PFKFB3: variants seen among roughly 807,000 people sequenced by gnomAD.
PFKFB3 encodes 6-phosphofructo-2-kinase/fructose-2,6-bisphosphatase 3.
Under a neutral mutation model 68.0 loss-of-function variants are expected in PFKFB3, and 33 were observed. The observed-to-expected ratio is 0.49, with a 90% CI of 0.37 to 0.65. The LOEUF is 0.65. Among genes scored for constraint, PFKFB3 ranks in the 30% least tolerant of loss-of-function variants. The pLI, the probability that PFKFB3 is intolerant of heterozygous loss-of-function variation, is 0.00. For synonymous variants in PFKFB3, 315 were observed against 288.2 expected, an observed-to-expected ratio of 1.09 and a Z score of -0.94; for missense variants, 586 against 712.2, an observed-to-expected ratio of 0.82 and a Z score of 2.02.
the PFKFB3 span, among the ~76,000 whole-genome samples, chr10:6,273,889 C>G: frequency 0.96 from 145,584 of 152,244 alleles, 69,876 homozygotes; most frequent in Non-Finnish European, 1. Flanking sequence ...TGGACTCCCA[C>G]CTTCCAGAAT....
intron 1 of PFKFB3, among the ~76,000 whole-genome samples, chr10:6,207,873 C>CT (rs1015250785): frequency 1.3e-5 from 2 of 152,256 alleles, no homozygotes; most frequent in African/African-American, 4.8e-5. Context: ...CAAGGTCTAG[C>CT]TTTCCTTTCT....
At chr10:6,288,764 T>C in the PFKFB3 span, among the ~76,000 whole-genome samples, 1 of 152,188 alleles carries the variant, frequency 6.6e-6, no homozygotes, top group Non-Finnish European at 1.5e-5. Context: ...TTCTAGATCC[T>C]TGCAGAATCG....
chr10:6,219,592 T>C lies in PFKFB3; in HGVS notation c.522T>C (p.Asp174=). 2.5e-6 allele frequency: 4 copies of C among 1,613,998 alleles called. No homozygotes were observed. The highest frequency in any genetic ancestry group is 3.4e-6 in the Non-Finnish European group (4 of 1,179,922). ...NIMEVKISSP[D]YKDCNSAEAM... is the part of the protein sequence containing the mutation. ...AGGAAGTTAAAATCTCCAGCCCGGA[T>C]TACAAAGACTGCAACTCGGCAGAAG... is the stretch of plus-strand genomic sequence containing the variant. Residue 174 remains aspartate, a synonymous_variant, in exon 7 of 15, where the codon GAT becomes GAC. Transcript: ENST00000379775.
the PFKFB3 span, chr10:6,293,668 A>T: frequency 3.7e-6 from 1 of 273,704 alleles, no homozygotes; most frequent in Non-Finnish European, 7.7e-6. Context: ...TTAAATGATA[A>T]AACCAACATG....
At chr10:6,317,182 G>A in the PFKFB3 span, among the ~76,000 whole-genome samples, 4 of 152,256 alleles carry the variant, frequency 2.6e-5, no homozygotes, top group African/African-American at 4.8e-5. Flanking sequence ...CATGGGGGAC[G>A]TGCTCTTGAT....
At chr10:6,163,054 C>T (rs574675991) in intron 1 of PFKFB3, among the ~76,000 whole-genome samples, 1 of 152,012 alleles carries the variant, frequency 6.6e-6, no homozygotes, top group African/African-American at 2.4e-5. Context: ...TTGTATCTTT[C>T]ATTTGCTTTC....
chr10:6,178,270 A>G (rs1842591587), intron 1 of PFKFB3, among the ~76,000 whole-genome samples: 1 of 151,696 alleles, frequency 6.6e-6, no homozygotes, highest in African/African-American at 2.4e-5. Context: ...TTCCTCCTCC[A>G]CTCACCCACC....
the PFKFB3 span, among the ~76,000 whole-genome samples, chr10:6,280,864 T>C: frequency 6.6e-6 from 1 of 151,814 alleles, no homozygotes; most frequent in African/African-American, 2.4e-5. Context: ...ATAAGCAGGT[T>C]CTTTAGTGAT....
upstream of PFKFB3, among the ~76,000 whole-genome samples, chr10:6,199,156 A>G (rs1022627419): frequency 2.6e-5 from 4 of 152,200 alleles, 1 homozygote; most frequent in Admixed American, 2.6e-4. Flanking sequence ...TCAAGAGCAA[A>G]TAGTGACACT....
intron 11 of PFKFB3, 91 bp downstream of exon 11, chr10:6,223,075 T>C: frequency 7.4e-7 from 1 of 1,360,242 alleles, no homozygotes; most frequent in Non-Finnish European, 1.0e-6. Context: ...TGGCCTGCCC[T>C]GTGTTGGCTG....
rs1842514099 is a variant in PFKFB3, at chr10:6,177,386, T to TTCTTTCTTTCTTTCTTTC, written c.16+32375_16+32392dup. Among the ~76,000 whole-genome samples, 7 of 113,304 alleles carry TTCTTTCTTTCTTTCTTTC rather than the reference T, an allele frequency of 6.2e-5. No individual in the cohort carries two copies. The South Asian group carries it at 2.4e-3, about 40-fold the overall frequency. The allele number at this position is 113,304 out of a possible 152,430, so 74.3% of individuals were successfully genotyped here. ...TTTCTTTCTTTCTTTCTTTCTTTCT[T>TTCTTTCTTTCTTTCTTTC]TCTTTCTTTCTTTCTTTCTTTCTTC... is the stretch of plus-strand genomic sequence containing the variant. On this transcript the variant is annotated intron_variant, in intron 1 of 14. Coordinates refer to the PFKFB3 transcript ENST00000379789.
At chr10:6,291,877 A>C in the PFKFB3 span, among the ~76,000 whole-genome samples, 1 of 151,984 alleles carries the variant, frequency 6.6e-6, no homozygotes, top group Non-Finnish European at 1.5e-5. Context: ...TTAAGATTTC[A>C]GAACAATCAT....
At chr10:6,204,558 A>T (rs1843564996) in intron 1 of PFKFB3, among the ~76,000 whole-genome samples, 1 of 152,228 alleles carries the variant, frequency 6.6e-6, no homozygotes. Flanking sequence ...ACGTCAGCAG[A>T]TCCACCCTGG....
intron 6 of PFKFB3, among the ~76,000 whole-genome samples, chr10:6,218,553 C>T (rs1033850129): frequency 8.6e-5 from 13 of 152,002 alleles, no homozygotes; most frequent in Admixed American, 2.6e-4. Flanking sequence ...CTCAGCCTCC[C>T]GAATAGCTGG....
chr10:6,185,338 A>G lies in PFKFB3; in HGVS notation c.17-28285A>G, dbSNP rs1000421689. ...TGGTTCCACTCATCCGCTTACTCACAGTGGCAGGAGGGTTAGCCACTAAGC... is the reference window on the plus strand; with the variant it reads ...TGGTTCCACTCATCCGCTTACTCACGGTGGCAGGAGGGTTAGCCACTAAGC... On this transcript the variant is annotated intron_variant, in intron 1 of 14. Coordinates refer to the PFKFB3 transcript ENST00000379789. Among the ~76,000 whole-genome samples the G allele has an allele frequency of 2.0e-5, 3 of 152,240 alleles. 1 individual carries two copies. Among genetic ancestry groups the G allele is most frequent in the Non-Finnish European group, 4.4e-5 (3 of 68,044 alleles).
rs749822531 is a variant in PFKFB3 at position 6,203,372 on chromosome 10, G to A, written c.76+36G>A. ...CTGCGCGGAGCCGGGTTGCAGGGCG[G>A]GCTGCGCCGGGCCGGGCCATTGTGT... On this transcript the variant is annotated intron_variant, in intron 1 of 14. Transcript: ENST00000379775. 42 of 1,527,722 alleles carry A rather than the reference G, an allele frequency of 2.7e-5. No homozygotes were observed. In the South Asian group the frequency reaches 4.2e-4, roughly 15 times the overall value. 94.6% of individuals were successfully genotyped at this position (1,527,722 alleles called of 1,614,324 possible). A position where few individuals can be genotyped will look rare whatever the true frequency, so the allele number is the denominator to read the frequency against.
chr10:6,177,366 T>TTC (rs1286324913), intron 1 of PFKFB3, among the ~76,000 whole-genome samples: 1 of 92,974 alleles, frequency 1.1e-5, no homozygotes, highest in Non-Finnish European at 2.5e-5. Flanking sequence ...CTTTCTTTCT[T>TTC]TCTTTCTTTC....
Position 6,220,587 on chromosome 10 carries a change from G to C in PFKFB3, c.624-71G>C, listed in dbSNP as rs536366070. 2.1e-6 allele frequency: 3 copies of C among 1,404,022 alleles called. No individual in the cohort carries two copies. In the African/African-American group the frequency reaches 4.2e-5, roughly 20 times the overall value. The allele number at this position is 1,404,022 out of a possible 1,614,324, so 87.0% of individuals were successfully genotyped here. A position where few individuals can be genotyped will look rare whatever the true frequency, so the allele number is the denominator to read the frequency against. ...GCTGTTCTCTGGGGATCACATCTTC[G>C]GAGACGGGCCAGGTGCATCCTGCTG... is the stretch of plus-strand genomic sequence containing the variant. On this transcript the variant is annotated intron_variant, in intron 7 of 14. Coordinates refer to ENST00000379775, the MANE Select transcript of PFKFB3 (RefSeq NM_004566.4). The surrounding 1 kb of genome is among the most constrained non-coding windows in gnomAD (Gnocchi z 4.1).
intron 1 of PFKFB3, among the ~76,000 whole-genome samples, chr10:6,174,825 T>A (rs999625598): frequency 4.0e-5 from 6 of 151,866 alleles, no homozygotes; most frequent in African/African-American, 1.5e-4. Flanking sequence ...TTTAATTTTT[T>A]TTTTTTTTTT....
Sources: gnomAD v4.1 joint callset for allele counts (sites outside exome capture counted in the v4.1 genomes callset) on GRCh38, gnomAD v4.1.1 for gene constraint, Gnocchi (gnomAD v3.1) non-coding constraint, MANE v1.5 for transcripts, NCBI Gene and HGNC (gene_info 2026-07-23, HGNC 2026-07-21) for gene names.